Variants in NHSL3 observed in about 807,000 individuals in gnomAD.
The protein encoded by NHSL3 is NHS-like protein 3.
At chr1:32,765,677 C>T in the NHSL3 span, 2 of 1,537,754 alleles carry the variant, frequency 1.3e-6, no homozygotes, top group African/African-American at 1.4e-5. Context: ...GGCTCGCATC[C>T]CCATAGTGCT....
the NHSL3 span, chr1:32,770,125 C>T: frequency 6.4e-7 from 1 of 1,563,864 alleles, no homozygotes; most frequent in Non-Finnish European, 8.7e-7. This position sits in a 1 kb window ranked among gnomAD's most constrained non-coding sequence, Gnocchi z 8.3. Flanking sequence ...CCGGGCCCCA[C>T]CATTGACCCG....
the NHSL3 span, chr1:32,765,533 C>T: frequency 2.5e-6 from 3 of 1,197,088 alleles, no homozygotes; most frequent in South Asian, 1.6e-5. Context: ...AGTTGCCTTT[C>T]TGTGCCCCTG....
chr1:32,759,001 T>A, the NHSL3 span, among the ~76,000 whole-genome samples: 1 of 152,130 alleles, frequency 6.6e-6, no homozygotes, highest in Non-Finnish European at 1.5e-5. Flanking sequence ...TCCTTAACCT[T>A]ACTTGAGATT....
At chr1:32,749,932 C>T in the NHSL3 span, among the ~76,000 whole-genome samples, 1 of 152,168 alleles carries the variant, frequency 6.6e-6, no homozygotes, top group Non-Finnish European at 1.5e-5. Context: ...CAGCAGAGGG[C>T]AGAGTGAGAG....
At chr1:32,764,789 C>T in the NHSL3 span, among the ~76,000 whole-genome samples, 1 of 152,158 alleles carries the variant, frequency 6.6e-6, no homozygotes, top group African/African-American at 2.4e-5. Flanking sequence ...GAGTTATTAG[C>T]CTTATTTTCA....
At chr1:32,755,586 G>C in the NHSL3 span, among the ~76,000 whole-genome samples, 1 of 151,620 alleles carries the variant, frequency 6.6e-6, no homozygotes, top group South Asian at 2.1e-4. Flanking sequence ...GGGGCCCTAG[G>C]TGACTTCTTG....
At chr1:32,762,458 A>G in the NHSL3 span, among the ~76,000 whole-genome samples, 71 of 145,072 alleles carry the variant, frequency 4.9e-4, no homozygotes, top group Admixed American at 2.7e-4. Flanking sequence ...CTTTATTTTT[A>G]TATATTTACT....
the NHSL3 span, chr1:32,771,667 C>T: frequency 1.2e-6 from 2 of 1,610,962 alleles, no homozygotes; most frequent in Non-Finnish European, 1.7e-6. Flanking sequence ...GATTCAGCCC[C>T]CGGGTAGCCC....
the NHSL3 span, among the ~76,000 whole-genome samples, chr1:32,749,017 A>G: frequency 3.9e-5 from 6 of 152,148 alleles, no homozygotes; most frequent in Non-Finnish European, 8.8e-5. Context: ...TGAATAAGAG[A>G]GACAAAGTCC....
the NHSL3 span, chr1:32,741,951 T>G: frequency 3.1e-6 from 3 of 973,430 alleles, no homozygotes; most frequent in East Asian, 1.8e-4. The surrounding 1 kb of genome is among the most constrained non-coding windows in gnomAD (Gnocchi z 4.3). Flanking sequence ...CGCCCCCGCC[T>G]GCCATGGCGG....
chr1:32,767,900 C>A, the NHSL3 span: 68 of 1,614,100 alleles, frequency 4.2e-5, 1 homozygote, highest in East Asian at 8.0e-4. Flanking sequence ...GCGACCCCCC[C>A]ACCTGGAAGA....
the NHSL3 span, among the ~76,000 whole-genome samples, chr1:32,748,260 C>T: frequency 5.3e-5 from 8 of 151,966 alleles, no homozygotes; most frequent in Non-Finnish European, 8.8e-5. Context: ...GCCTGGGCGA[C>T]GGGAGTTCAA....
the NHSL3 span, chr1:32,771,177 G>T: frequency 5.0e-6 from 8 of 1,610,894 alleles, no homozygotes; most frequent in South Asian, 8.8e-5. Flanking sequence ...ACCCCAAGGT[G>T]CCTGCCCCCT....
the NHSL3 span, chr1:32,769,860 C>T: frequency 7.4e-6 from 12 of 1,611,428 alleles, no homozygotes; most frequent in Non-Finnish European, 1.0e-5. Flanking sequence ...CTGACCCCAC[C>T]TCCTCCCTGT....
At chr1:32,753,922 C>T in the NHSL3 span, 1 of 249,436 alleles carries the variant, frequency 4.0e-6, no homozygotes, top group Non-Finnish European at 7.9e-6. Flanking sequence ...CCGGGCCCGC[C>T]CCCGGCCTGG....
chr1:32,748,643 AAG>A, the NHSL3 span, among the ~76,000 whole-genome samples: 3 of 152,106 alleles, frequency 2.0e-5, no homozygotes, highest in South Asian at 4.1e-4. Flanking sequence ...CAAGGTGCTT[AAG>A]AGAGTTGGGG....
the NHSL3 span, chr1:32,774,625 C>CT: frequency 6.6e-6 from 1 of 152,468 alleles, no homozygotes; most frequent in Non-Finnish European, 1.5e-5. Context: ...CTCTTTCCCT[C>CT]TCCCTCCTCC....
At chr1:32,767,697 G>A in the NHSL3 span, 2 of 1,136,052 alleles carry the variant, frequency 1.8e-6, no homozygotes, top group Non-Finnish European at 2.5e-6. Flanking sequence ...TGTGCAGTCT[G>A]GGGACCATGA....
chr1:32,766,387 T>C, the NHSL3 span, among the ~76,000 whole-genome samples: 6 of 152,108 alleles, frequency 3.9e-5, no homozygotes, highest in South Asian at 1.2e-3. Context: ...CTACTCTGAG[T>C]GTGATCCGGG....
Sources: gnomAD v4.1 joint callset for allele counts (sites outside exome capture counted in the v4.1 genomes callset) on GRCh38, gnomAD v4.1.1 for gene constraint, Gnocchi (gnomAD v3.1) non-coding constraint, MANE v1.5 for transcripts, NCBI Gene and HGNC (gene_info 2026-07-23, HGNC 2026-07-21) for gene names.